DGKB: variants seen among roughly 807,000 people sequenced by gnomAD.
DGKB encodes diacylglycerol kinase beta, also known as 90 kDa diacylglycerol kinase.
In DGKB, 67 loss-of-function variants were observed where a neutral mutation model predicts 114.3. The ratio of observed to expected loss-of-function variants is 0.59; its 90% CI spans 0.48 to 0.72. DGKB has a LOEUF of 0.72. Among genes scored for constraint, DGKB ranks in the 30% least tolerant of loss-of-function variants. The pLI is 0.00. For missense variants in DGKB, 907 were observed against 975.2 expected, an observed-to-expected ratio of 0.93 and a Z score of 0.93; for synonymous variants, 398 against 323.1, an observed-to-expected ratio of 1.23 and a Z score of -2.49.
At chr7:14,262,142 G>A (rs553046690) in intron 23 of DGKB, among the ~76,000 whole-genome samples, 4 of 152,282 alleles carry the variant, frequency 2.6e-5, no homozygotes, top group African/African-American at 9.6e-5. Flanking sequence ...TGACGTATCA[G>A]TTGAATTTGC....
At chr7:14,212,676 C>G (rs1201971958) in intron 23 of DGKB, among the ~76,000 whole-genome samples, 1 of 152,078 alleles carries the variant, frequency 6.6e-6, no homozygotes. Flanking sequence ...TCCTAAACTT[C>G]AAGCCCTAGC....
At chr7:14,736,240 G>A (rs1831703992) in intron 4 of DGKB, 46 bp from the exon 5 acceptor site, 1 of 1,265,872 alleles carries the variant, frequency 7.9e-7, no homozygotes, top group Non-Finnish European at 1.1e-6. Context: ...CCAACCAAAT[G>A]TTAAAATTCT....
Position 14,879,707 on chromosome 7 carries a change from A to G in DGKB, c.-188+22885T>C, listed in dbSNP as rs188672506. Among the ~76,000 whole-genome samples the G allele has an allele frequency of 2.2e-3, 332 of 152,280 alleles. 1 individual carries two copies. Among genetic ancestry groups the G allele is most frequent in the African/African-American group, 7.9e-3 (328 of 41,580 alleles). On this transcript the variant is annotated intron_variant, in intron 1 of 25. Transcript: ENST00000402815. ...TCCCTTTAGTTGGGAAGAATAATCA[A>G]CAAGCCATTCATTCTTCTCCATGGT...
intron 13 of DGKB, among the ~76,000 whole-genome samples, chr7:14,652,281 G>A (rs1314331006): frequency 6.6e-6 from 1 of 152,074 alleles, no homozygotes; most frequent in Non-Finnish European, 1.5e-5. Flanking sequence ...CAAACAGCAC[G>A]GTACTGGTAC....
chr7:14,219,971 TG>T (rs2128321282), intron 23 of DGKB, among the ~76,000 whole-genome samples: 2 of 151,822 alleles, frequency 1.3e-5, no homozygotes, highest in South Asian at 4.1e-4. Context: ...ACTTAATGAG[TG>T]GACTACTTTC....
Position 14,384,845 on chromosome 7 carries a change from C to T in DGKB, c.1836-39454G>A, listed in dbSNP as rs145252887. Reference sequence around the variant, plus strand: ...GGCAGAGGCCAGGGGTGCTGCCAAACGTCCTACAATGCACAGGACCGCCAC... The same window carrying T: ...GGCAGAGGCCAGGGGTGCTGCCAAATGTCCTACAATGCACAGGACCGCCAC... On this transcript the variant is annotated intron_variant, in intron 21 of 25. Coordinates refer to ENST00000402815, the MANE Select transcript of DGKB (RefSeq NM_001350709.2). Among the ~76,000 whole-genome samples the T allele has an allele frequency of 1.4e-4, 21 of 152,244 alleles. 1 individual carries two copies. The highest frequency in any genetic ancestry group is 2.9e-4 in the Non-Finnish European group (20 of 68,024).
intron 21 of DGKB, among the ~76,000 whole-genome samples, chr7:14,399,101 A>C (rs540177916): frequency 9.2e-5 from 14 of 151,696 alleles, no homozygotes; most frequent in African/African-American, 3.4e-4. Context: ...ATCCGAGTTG[A>C]ATTTTTAACT....
chr7:14,695,973 C>T (rs1434780159), intron 8 of DGKB, among the ~76,000 whole-genome samples: 2 of 152,124 alleles, frequency 1.3e-5, no homozygotes, highest in African/African-American at 4.8e-5. Context: ...TAGTAGCAGA[C>T]TTATCAGTAA....
chr7:14,793,768 T>C (rs1236931903), intron 2 of DGKB, among the ~76,000 whole-genome samples: 1 of 152,098 alleles, frequency 6.6e-6, no homozygotes, highest in East Asian at 1.9e-4. Flanking sequence ...GGCCATGGAA[T>C]ACCCAGATTA....
chr7:14,799,519 G>T (rs1396187088), intron 2 of DGKB, among the ~76,000 whole-genome samples: 3 of 152,200 alleles, frequency 2.0e-5, no homozygotes, highest in African/African-American at 7.2e-5. Flanking sequence ...AGATCATTCT[G>T]TCTCAATGGG....
chr7:14,605,317 G>A (rs1033660317), intron 17 of DGKB, among the ~76,000 whole-genome samples: 5 of 149,262 alleles, frequency 3.3e-5, no homozygotes, highest in African/African-American at 9.8e-5. Flanking sequence ...ATTCTGTTAC[G>A]TAAAAAACTA....
At chr7:14,417,241 A>T (rs1583781383) in intron 21 of DGKB, among the ~76,000 whole-genome samples, 1 of 152,072 alleles carries the variant, frequency 6.6e-6, no homozygotes, top group Admixed American at 6.6e-5. Flanking sequence ...AATTATGATT[A>T]ATTTCACAAT....
intron 1 of DGKB, among the ~76,000 whole-genome samples, chr7:14,938,716 A>G (rs1785401876): frequency 6.6e-6 from 1 of 152,148 alleles, no homozygotes; most frequent in Non-Finnish European, 1.5e-5. Flanking sequence ...ACATATTGTG[A>G]GTTAAAAGTC....
chr7:14,923,733 G>A (rs1304296811), intron 1 of DGKB, among the ~76,000 whole-genome samples: 2 of 152,030 alleles, frequency 1.3e-5, no homozygotes, highest in African/African-American at 2.4e-5. Context: ...GGTGGCACAT[G>A]CCTGTGATCC....
intron 23 of DGKB, among the ~76,000 whole-genome samples, chr7:14,235,267 C>CA (rs1792586114): frequency 6.6e-6 from 1 of 151,964 alleles, no homozygotes; most frequent in Admixed American, 6.6e-5. Context: ...GTTCATTGTC[C>CA]CGCACTGTTC....
At position 14,414,614 on chromosome 7, in the gene DGKB, C is replaced by T. The variant is rs145372564; in HGVS notation, c.1835+63547G>A. 5.8e-4 allele frequency among the ~76,000 whole-genome samples: 88 copies of T among 152,166 alleles called. No individual in the cohort carries two copies. The East Asian group carries it at 0.016, about 28-fold the overall frequency. The stretch of plus-strand genomic sequence containing the variant: ...TTCTTACAACATTAAAATTCTTTGT[C>T]TCTGTAACTAACAGAATAGGTATGC... On this transcript the variant is annotated intron_variant, in intron 21 of 25. Coordinates refer to ENST00000402815, the MANE Select transcript of DGKB (RefSeq NM_001350709.2).
intron 25 of DGKB, among the ~76,000 whole-genome samples, chr7:14,153,156 A>T (rs1301546934): frequency 6.6e-6 from 1 of 152,082 alleles, no homozygotes; most frequent in Non-Finnish European, 1.5e-5. Context: ...TTCCCTGATT[A>T]GTTTTCCAGA....
chr7:14,461,929 T>C (rs1279992587), intron 21 of DGKB, among the ~76,000 whole-genome samples: 1 of 152,170 alleles, frequency 6.6e-6, no homozygotes. Flanking sequence ...ACCTCATCCC[T>C]GGGATGCAAG....
chr7:14,369,164 T>C (rs905626547), intron 21 of DGKB, among the ~76,000 whole-genome samples: 1 of 151,932 alleles, frequency 6.6e-6, no homozygotes, highest in African/African-American at 2.4e-5. Flanking sequence ...AGTGAGAACA[T>C]GCGGTGTTTG....
Sources: gnomAD v4.1 joint callset for allele counts (sites outside exome capture counted in the v4.1 genomes callset) on GRCh38, gnomAD v4.1.1 for gene constraint, MANE v1.5 for transcripts, NCBI Gene and HGNC (gene_info 2026-07-23, HGNC 2026-07-21) for gene names.